The following PANK1 variants were observed in gnomAD, a reference collection of about 807,000 sequenced individuals.
PANK1 encodes pantothenate kinase 1.
PANK1 carries 18 observed loss-of-function variants against 40.1 expected under a neutral mutation model. That is an observed-to-expected ratio of 0.45 (90% confidence interval 0.31 to 0.67). The LOEUF (loss-of-function observed/expected upper bound fraction) is 0.67, where lower values mean the gene tolerates loss of function less well. Ranked by LOEUF, PANK1 falls within the 30% of genes least tolerant of loss-of-function variation. The probability of loss-of-function intolerance (pLI) is 0.06; values close to 1 mark genes in which losing one functional copy is unlikely to be tolerated. For synonymous variants in PANK1, 242 were observed against 237.7 expected (o/e 1.02, Z -0.17); for missense variants, 457 against 599.6 (o/e 0.76, Z 2.48).
At chr10:89,599,556 T>C in intron 2 of PANK1, 51 bp from the exon 3 acceptor site, 4 of 1,559,438 alleles carry the variant, frequency 2.6e-6, no homozygotes, top group Non-Finnish European at 3.5e-6. Flanking sequence ...GGCGACCATC[T>C]AAGGGGAAGC....
rs369503001 is a variant in PANK1, at chr10:89,636,687, G to C, written c.292+7913C>G. 2.6e-4 allele frequency among the ~76,000 whole-genome samples: 39 copies of C among 149,848 alleles called. 1 individual carries two copies. In the South Asian group the frequency reaches 5.3e-3, roughly 20 times the overall value. On this transcript the variant is annotated intron_variant, in intron 1 of 6. Coordinates refer to ENST00000307534, the MANE Select transcript of PANK1 (RefSeq NM_148977.3). The stretch of plus-strand genomic sequence containing the variant: ...AGGATGGTCTCGATCTCCTGACCTC[G>C]TGATCCGCCTGCCTTGGCCTCCCAA...
rs1844083203 is a variant in PANK1, at chr10:89,583,004, C to T, written c.*1402G>A. The T allele has an allele frequency of 6.6e-6, 1 of 152,134 alleles. No individual in the cohort carries two copies. Among genetic ancestry groups the T allele is most frequent in the South Asian group, 2.1e-4 (1 of 4,832 alleles). 9.4% of individuals were successfully genotyped at this position (152,134 alleles called of 1,614,324 possible). ...CTAAAAACATCACAACAGAAACAGG[C>T]TTTATTTCAACCAGACAAGTGAATT... is the stretch of plus-strand genomic sequence containing the variant. On this transcript the variant is annotated 3_prime_UTR_variant, in exon 7 of 7. Coordinates refer to ENST00000307534, the MANE Select transcript of PANK1 (RefSeq NM_148977.3).
At chr10:89,592,914 G>T (rs919278205) in intron 5 of PANK1, 2 of 527,586 alleles carry the variant, frequency 3.8e-6, no homozygotes, top group Non-Finnish European at 7.3e-6. Context: ...GTGGACACAT[G>T]GCAATAATGA....
chr10:89,606,192 C>A (rs1327086449), intron 2 of PANK1, among the ~76,000 whole-genome samples: 1 of 152,168 alleles, frequency 6.6e-6, no homozygotes, highest in Admixed American at 6.5e-5. Context: ...GGTCCATGAG[C>A]GTCGGCTTCA....
intron 5 of PANK1, among the ~76,000 whole-genome samples, chr10:89,590,490 A>G (rs1844348097): frequency 6.6e-6 from 1 of 152,186 alleles, no homozygotes; most frequent in South Asian, 2.1e-4. Flanking sequence ...AGGGAACTTT[A>G]TATCTGTTAA....
chr10:89,599,301 T>G lies in PANK1; in HGVS notation c.850A>C (p.Ile284Leu). ...TTGTCCTTGGAGTACACGGCTAGAA[T>G]GCTGACACCTGAGCCCATGTTAACC... ...LLVNMGSGVSILAVYSKDNYK... is the reference protein window; with the variant it reads ...LLVNMGSGVSLLAVYSKDNYK... The change falls in exon 3 of 7, where the codon ATT becomes CTT. Residue 284 changes from isoleucine (I) to leucine (L), a missense_variant. Coordinates refer to ENST00000307534, the MANE Select transcript of PANK1 (RefSeq NM_148977.3). 1 of 1,614,006 alleles carries G rather than the reference T, an allele frequency of 6.2e-7. No homozygotes were observed. Among genetic ancestry groups the G allele is most frequent in the Non-Finnish European group, 8.5e-7 (1 of 1,179,820 alleles).
Position 89,616,997 on chromosome 10 carries a change from A to G in PANK1, c.293-4949T>C, listed in dbSNP as rs569046777. 1.3e-5 allele frequency among the ~76,000 whole-genome samples: 2 copies of G among 152,296 alleles called. 1 individual carries two copies. Among genetic ancestry groups the G allele is most frequent in the South Asian group, 4.1e-4 (2 of 4,830 alleles). On this transcript the variant is annotated intron_variant, in intron 1 of 6. Coordinates refer to ENST00000307534, the MANE Select transcript of PANK1 (RefSeq NM_148977.3). ...ACTTTAGGGTTGAAAAAGGTGATAG[A>G]TACATTGTTACTTCCAGGACAGGGC... is the stretch of plus-strand genomic sequence containing the variant.
At chr10:89,596,175 G>A (rs1844597442) in intron 3 of PANK1, among the ~76,000 whole-genome samples, 1 of 152,204 alleles carries the variant, frequency 6.6e-6, no homozygotes, top group Admixed American at 6.5e-5. Flanking sequence ...TTTGGTTTGT[G>A]TGCTATTTGG....
chr10:89,595,527 T>C (rs1413281674), intron 3 of PANK1, among the ~76,000 whole-genome samples: 1 of 148,938 alleles, frequency 6.7e-6, no homozygotes, highest in Non-Finnish European at 1.5e-5. Context: ...TATAAAAGTA[T>C]ACTTGATTGA....
At chr10:89,597,385 G>A (rs1053978815) in intron 3 of PANK1, among the ~76,000 whole-genome samples, 1 of 152,076 alleles carries the variant, frequency 6.6e-6, no homozygotes, top group Non-Finnish European at 1.5e-5. Context: ...CCCCTGAAAG[G>A]GTTCTCTATT....
intron 1 of PANK1, among the ~76,000 whole-genome samples, chr10:89,638,273 A>G (rs1012058054): frequency 6.6e-6 from 1 of 152,220 alleles, no homozygotes; most frequent in African/African-American, 2.4e-5. Flanking sequence ...GAAAAGGTCT[A>G]TATGTGGGGC....
chr10:89,609,930 C>G (rs1845100929), intron 2 of PANK1, among the ~76,000 whole-genome samples: 1 of 152,298 alleles, frequency 6.6e-6, no homozygotes, highest in African/African-American at 2.4e-5. Context: ...CATCAATCCT[C>G]TGGGTCACCT....
chr10:89,623,515 G>A (rs539171653), intron 1 of PANK1, among the ~76,000 whole-genome samples: 1 of 148,984 alleles, frequency 6.7e-6, no homozygotes, highest in African/African-American at 2.5e-5. Context: ...GAGCCACCGT[G>A]CCTGGCCCAA....
Position 89,584,217 on chromosome 10 carries a change from C to T in PANK1, c.*189G>A, listed in dbSNP as rs1025727156. The T allele has an allele frequency of 1.1e-4, 56 of 528,186 alleles. No individual in the cohort carries two copies. The highest frequency in any genetic ancestry group is 1.5e-4 in the Non-Finnish European group (44 of 292,476). The allele number at this position is 528,186 out of a possible 1,614,324, so 32.7% of individuals were successfully genotyped here. On this transcript the variant is annotated 3_prime_UTR_variant, in exon 7 of 7. Transcript: ENST00000307534. ...AGAAAAAAAACCTTTTATATTCCCC[C>T]GTTTTGAATCATTAGCTCAAAACCT...
intron 1 of PANK1, 137 bp from the exon 2 acceptor site, chr10:89,612,185 A>G: frequency 1.3e-6 from 1 of 785,206 alleles, no homozygotes; most frequent in Non-Finnish European, 2.0e-6. Context: ...GAATTCAACT[A>G]TATGTGCCTA....
chr10:89,597,794 T>C (rs994941901), intron 3 of PANK1, among the ~76,000 whole-genome samples: 3 of 152,232 alleles, frequency 2.0e-5, no homozygotes, highest in Non-Finnish European at 4.4e-5. Context: ...GTTTATCAAA[T>C]CACTCTCTAA....
intron 1 of PANK1, among the ~76,000 whole-genome samples, chr10:89,636,582 G>A (rs771642794): frequency 3.6e-4 from 54 of 149,804 alleles, no homozygotes; most frequent in Non-Finnish European, 6.1e-4. Context: ...CTCCCGAGTA[G>A]CTGGGACTAC....
intron 1 of PANK1, among the ~76,000 whole-genome samples, chr10:89,631,920 T>C (rs984727442): frequency 6.6e-6 from 1 of 151,734 alleles, no homozygotes; most frequent in Admixed American, 6.6e-5. Context: ...CTCAACTGGA[T>C]ATAATACACT....
intron 1 of PANK1, among the ~76,000 whole-genome samples, chr10:89,612,542 G>A (rs1536313): frequency 0.54 from 81,884 of 151,504 alleles, 22,986 homozygotes; most frequent in South Asian, 0.63. Context: ...TCTAACCTAG[G>A]GCGCATTTCA....
Sources: gnomAD v4.1 joint callset for allele counts (sites outside exome capture counted in the v4.1 genomes callset) on GRCh38, gnomAD v4.1.1 for gene constraint, MANE v1.5 for transcripts, NCBI Gene and HGNC (gene_info 2026-07-23, HGNC 2026-07-21) for gene names.